Variants in TMEM132D observed in about 807,000 individuals in gnomAD.
TMEM132D encodes the protein transmembrane protein 132D.
Under a neutral mutation model 62.3 loss-of-function variants are expected in TMEM132D, and 21 were observed. The ratio of observed to expected loss-of-function variants is 0.34; its 90% CI spans 0.24 to 0.49. The LOEUF (loss-of-function observed/expected upper bound fraction) is 0.49. TMEM132D is among the 20% of genes least tolerant of loss of function. TMEM132D has a pLI of 0.99. For synonymous variants in TMEM132D, 621 were observed against 575.6 expected, an observed-to-expected ratio of 1.08 and a Z score of -1.13; for missense variants, 1,346 against 1,402.8, an observed-to-expected ratio of 0.96 and a Z score of 0.65.
At chr12:129,688,831 T>C (rs548265596) in intron 2 of TMEM132D, among the ~76,000 whole-genome samples, 1 of 152,246 alleles carries the variant, frequency 6.6e-6, no homozygotes, top group Admixed American at 6.5e-5. Context: ...AAATTGACAA[T>C]ACAATGTCAC....
chr12:129,231,244 T>G (rs1194314920), intron 4 of TMEM132D, among the ~76,000 whole-genome samples: 1 of 152,252 alleles, frequency 6.6e-6, no homozygotes, highest in Non-Finnish European at 1.5e-5. Flanking sequence ...CACAGGGCTC[T>G]TAGGGCACTC....
intron 4 of TMEM132D, among the ~76,000 whole-genome samples, chr12:129,318,755 T>C (rs35233637): frequency 0.16 from 24,105 of 152,152 alleles, 2,636 homozygotes; most frequent in Non-Finnish European, 0.23. Context: ...GCTAGGCATG[T>C]CTGAGCTCAG....
chr12:129,295,136 C>T (rs890920525), intron 4 of TMEM132D, among the ~76,000 whole-genome samples: 1 of 152,188 alleles, frequency 6.6e-6, no homozygotes, highest in African/African-American at 2.4e-5. Context: ...CAGCAGACTG[C>T]CTTTGCATGT....
chr12:129,754,422 C>A (rs529341236), intron 1 of TMEM132D, among the ~76,000 whole-genome samples: 5 of 152,246 alleles, frequency 3.3e-5, no homozygotes, highest in East Asian at 3.9e-4. Context: ...AATCTCATGA[C>A]CCCAAGGAAG....
At chr12:129,483,244 C>T (rs1206769891) in intron 3 of TMEM132D, among the ~76,000 whole-genome samples, 1 of 152,132 alleles carries the variant, frequency 6.6e-6, no homozygotes, top group Non-Finnish European at 1.5e-5. Flanking sequence ...CTTTTTCTTT[C>T]TTTTGTCTAA....
chr12:129,144,930 C>T (rs1876848917), intron 5 of TMEM132D, among the ~76,000 whole-genome samples: 1 of 151,986 alleles, frequency 6.6e-6, no homozygotes, highest in Non-Finnish European at 1.5e-5. Flanking sequence ...ATCTATCTAC[C>T]TATCATCTAA....
chr12:129,823,146 T>TCTC (rs1311673880), intron 1 of TMEM132D, among the ~76,000 whole-genome samples: 1 of 152,242 alleles, frequency 6.6e-6, no homozygotes, highest in Non-Finnish European at 1.5e-5. Flanking sequence ...CTCCTCCTTT[T>TCTC]CCTTCTACCA....
chr12:129,396,220 A>G (rs920085274), intron 3 of TMEM132D, among the ~76,000 whole-genome samples: 1 of 152,086 alleles, frequency 6.6e-6, no homozygotes, highest in Non-Finnish European at 1.5e-5. Context: ...CACACATTAA[A>G]CATACTGGCA....
At chr12:129,626,461 CA>C (rs139487187) in intron 2 of TMEM132D, among the ~76,000 whole-genome samples, 39,811 of 150,804 alleles carry the variant, frequency 0.26, 5,576 homozygotes, top group Admixed American at 0.38. Flanking sequence ...TTTTATGTGC[CA>C]ATTTTTTTTT....
At chr12:129,203,800 T>C (rs1248612806) in intron 5 of TMEM132D, among the ~76,000 whole-genome samples, 1 of 152,222 alleles carries the variant, frequency 6.6e-6, no homozygotes, top group Non-Finnish European at 1.5e-5. Flanking sequence ...GGCAGCAGAT[T>C]AGGACCAACC....
chr12:129,351,497 TA>T (rs1420120298), intron 3 of TMEM132D, among the ~76,000 whole-genome samples: 1 of 152,196 alleles, frequency 6.6e-6, no homozygotes, highest in Non-Finnish European at 1.5e-5. Flanking sequence ...TTGGACATTT[TA>T]ACAGCGGCCC....
intron 5 of TMEM132D, among the ~76,000 whole-genome samples, chr12:129,180,984 G>C (rs951621119): frequency 6.6e-6 from 1 of 152,132 alleles, no homozygotes; most frequent in African/African-American, 2.4e-5. Flanking sequence ...TTCGATGGAG[G>C]TTATGGGGCC....
At chr12:129,125,015 T>C (rs1252247983) in intron 5 of TMEM132D, among the ~76,000 whole-genome samples, 1 of 152,210 alleles carries the variant, frequency 6.6e-6, no homozygotes. Context: ...CCTGAAGAGA[T>C]GGCATATTTA....
intron 2 of TMEM132D, among the ~76,000 whole-genome samples, chr12:129,639,972 T>C (rs185047343): frequency 6.6e-6 from 1 of 152,312 alleles, no homozygotes; most frequent in African/African-American, 2.4e-5. Flanking sequence ...GACTGCTATG[T>C]ATCAAATCCC....
chr12:129,486,957 T>C (rs1874599230), intron 3 of TMEM132D, among the ~76,000 whole-genome samples: 1 of 149,984 alleles, frequency 6.7e-6, no homozygotes, highest in Non-Finnish European at 1.5e-5. Context: ...TAGCTACTGA[T>C]AAATGCCATG....
intron 2 of TMEM132D, among the ~76,000 whole-genome samples, chr12:129,684,485 CCT>C (rs1422440644): frequency 3.9e-5 from 6 of 152,128 alleles, no homozygotes; most frequent in East Asian, 1.9e-4. Context: ...TATAAATTAC[CCT>C]GTCTCAGGTA....
At chr12:129,141,500 C>G (rs114951654) in intron 5 of TMEM132D, among the ~76,000 whole-genome samples, 171 of 152,222 alleles carry the variant, frequency 1.1e-3, no homozygotes, top group African/African-American at 3.7e-3. Flanking sequence ...ATGAGCAGTG[C>G]TTTATTTAGA....
chr12:129,368,237 T>C (rs1038562628), intron 3 of TMEM132D, among the ~76,000 whole-genome samples: 4 of 131,860 alleles, frequency 3.0e-5, no homozygotes, highest in Non-Finnish European at 6.6e-5. Flanking sequence ...AAGATCTACA[T>C]ATGCAAAATG....
chr12:129,757,116 C>T (rs748660476), intron 1 of TMEM132D, among the ~76,000 whole-genome samples: 17 of 152,118 alleles, frequency 1.1e-4, no homozygotes, highest in East Asian at 5.8e-4. Context: ...AAGTTGGGGT[C>T]ACAGGAAAAA....
Sources: gnomAD v4.1 joint callset for allele counts (sites outside exome capture counted in the v4.1 genomes callset) on GRCh38, gnomAD v4.1.1 for gene constraint, MANE v1.5 for transcripts, NCBI Gene and HGNC (gene_info 2026-07-23, HGNC 2026-07-21) for gene names.